Variants in CNTNAP2 observed in about 807,000 individuals in gnomAD.
CNTNAP2 encodes contactin-associated protein-like 2.
In CNTNAP2, 98 loss-of-function variants were observed where a neutral mutation model predicts 155.2. That is an observed-to-expected ratio of 0.63 (90% CI 0.54 to 0.75). The LOEUF is 0.75. Ranked by LOEUF, CNTNAP2 falls within the 30% of genes least tolerant of loss-of-function variation. The pLI is 0.00. For missense variants in CNTNAP2, 1,727 were observed against 1,688.1 expected (o/e 1.02, Z -0.40); for synonymous variants, 651 against 631.2 (o/e 1.03, Z -0.47).
chr7:148,111,893 T>C (rs776924753), intron 15 of CNTNAP2, among the ~76,000 whole-genome samples: 2 of 152,154 alleles, frequency 1.3e-5, no homozygotes, highest in African/African-American at 2.4e-5. Context: ...GAGAATGTGT[T>C]TCAGGAAAAT....
At chr7:147,130,602 T>C (rs535648294) in intron 7 of CNTNAP2, among the ~76,000 whole-genome samples, 1 of 152,096 alleles carries the variant, frequency 6.6e-6, no homozygotes, top group Non-Finnish European at 1.5e-5. Flanking sequence ...CAGAAAATCT[T>C]AGATGGGATA....
At chr7:146,612,325 G>A (rs572730511) in intron 1 of CNTNAP2, among the ~76,000 whole-genome samples, 20 of 152,088 alleles carry the variant, frequency 1.3e-4, no homozygotes, top group Non-Finnish European at 2.6e-4. Flanking sequence ...GTTTACAGGT[G>A]AGAATGACAA....
intron 3 of CNTNAP2, among the ~76,000 whole-genome samples, chr7:146,923,587 CA>C (rs1479820774): frequency 6.6e-6 from 1 of 152,136 alleles, no homozygotes; most frequent in African/African-American, 2.4e-5. Flanking sequence ...GAATTCCCTT[CA>C]AGGGAGAAAG....
intron 2 of CNTNAP2, among the ~76,000 whole-genome samples, chr7:146,827,099 G>A (rs1366976796): frequency 7.3e-5 from 11 of 151,588 alleles, no homozygotes; most frequent in Non-Finnish European, 1.0e-4. Context: ...TTTCCCTCCT[G>A]TTTCAGGGAT....
chr7:147,545,458 T>C (rs574632851), intron 11 of CNTNAP2, among the ~76,000 whole-genome samples: 138 of 152,340 alleles, frequency 9.1e-4, no homozygotes, highest in African/African-American at 3.2e-3. Flanking sequence ...TATTGCAATC[T>C]AACAAGCCTC....
In CNTNAP2 at chr7:147,784,381, C is replaced by CATATATATATATATATATATAT. The variant is rs60221349; in HGVS notation, c.2099-119179_2099-119158dup. Among the ~76,000 whole-genome samples the CATATATATATATATATATATAT allele has an allele frequency of 4.1e-3, 408 of 99,148 alleles. 9 individuals are homozygous for CATATATATATATATATATATAT. Among genetic ancestry groups the CATATATATATATATATATATAT allele is most frequent in the Middle Eastern group, 7.1e-3 (1 of 140 alleles). The allele number at this position is 99,148 out of a possible 152,430, so 65.0% of individuals were successfully genotyped here. ...TTCATAGCCCTCTACAAACTAAAAA[C>CATATATATATATATATATATAT]ATATATATATATATATATATATATA... On this transcript the variant is annotated intron_variant, in intron 13 of 23. Transcript: ENST00000361727.
intron 11 of CNTNAP2, among the ~76,000 whole-genome samples, chr7:147,544,057 A>C (rs193125285): frequency 6.6e-6 from 1 of 152,298 alleles, no homozygotes; most frequent in Admixed American, 6.5e-5. Context: ...TTTAAATATA[A>C]GTGTTTCCAA....
intron 15 of CNTNAP2, among the ~76,000 whole-genome samples, chr7:148,029,999 G>A (rs1802444728): frequency 1.3e-5 from 2 of 152,238 alleles, no homozygotes; most frequent in African/African-American, 4.8e-5. Context: ...ATACTCTCTG[G>A]TTGGAAATCT....
intron 21 of CNTNAP2, among the ~76,000 whole-genome samples, chr7:148,356,477 C>T (rs917355942): frequency 6.6e-6 from 1 of 152,190 alleles, no homozygotes; most frequent in Non-Finnish European, 1.5e-5. Context: ...AGCCGTGGCT[C>T]CTGCTCCTGA....
At chr7:148,314,838 G>A (rs1410574549) in intron 21 of CNTNAP2, among the ~76,000 whole-genome samples, 1 of 152,214 alleles carries the variant, frequency 6.6e-6, no homozygotes, top group Admixed American at 6.5e-5. Context: ...GCGTCCCCAT[G>A]TGATTAAACA....
intron 2 of CNTNAP2, among the ~76,000 whole-genome samples, chr7:146,777,435 A>G (rs1563226650): frequency 6.6e-6 from 1 of 152,228 alleles, no homozygotes; most frequent in African/African-American, 2.4e-5. Context: ...ACAGCAAGAA[A>G]CATACATGTA....
intron 15 of CNTNAP2, among the ~76,000 whole-genome samples, chr7:148,051,815 A>C (rs1285441555): frequency 6.6e-6 from 1 of 152,224 alleles, no homozygotes; most frequent in East Asian, 1.9e-4. Flanking sequence ...TACTAAAAGC[A>C]ATTCAGTATT....
At chr7:146,903,165 C>T (rs750288295) in intron 3 of CNTNAP2, among the ~76,000 whole-genome samples, 10 of 152,210 alleles carry the variant, frequency 6.6e-5, no homozygotes, top group Non-Finnish European at 1.2e-4. Flanking sequence ...AGACTCACTT[C>T]TGTGGATTAC....
At chr7:146,840,016 G>T in intron 3 of CNTNAP2, 112 bp downstream of exon 3, 1 of 1,260,360 alleles carries the variant, frequency 7.9e-7, no homozygotes, top group Non-Finnish European at 1.1e-6. Flanking sequence ...TCAAATCATT[G>T]GGAAACTATT....
intron 13 of CNTNAP2, among the ~76,000 whole-genome samples, chr7:147,885,487 T>C (rs566354788): frequency 1.3e-4 from 20 of 152,310 alleles, no homozygotes; most frequent in Admixed American, 1.1e-3. Flanking sequence ...TCTTTTACTT[T>C]TGACTACAGA....
chr7:147,888,391 G>C (rs1799633502), intron 13 of CNTNAP2, among the ~76,000 whole-genome samples: 3 of 152,056 alleles, frequency 2.0e-5, no homozygotes, highest in East Asian at 1.9e-4. Flanking sequence ...AGATTCTGAA[G>C]AAATTTCCCA....
chr7:147,798,903 C>T (rs1797945169), intron 13 of CNTNAP2, among the ~76,000 whole-genome samples: 1 of 152,184 alleles, frequency 6.6e-6, no homozygotes, highest in South Asian at 2.1e-4. Context: ...CTGATGAAGT[C>T]TAACCGTGTT....
intron 8 of CNTNAP2, among the ~76,000 whole-genome samples, chr7:147,183,110 T>C (rs956836958): frequency 9.9e-5 from 15 of 151,746 alleles, no homozygotes; most frequent in Non-Finnish European, 5.9e-5. Flanking sequence ...AGAACAAGCT[T>C]GAATAAGGTT....
intron 1 of CNTNAP2, among the ~76,000 whole-genome samples, chr7:146,319,389 T>C (rs1234268717): frequency 6.6e-6 from 1 of 152,192 alleles, no homozygotes; most frequent in Non-Finnish European, 1.5e-5. Context: ...ATCATATTAG[T>C]ATAATTTAAA....
Sources: gnomAD v4.1 joint callset for allele counts (sites outside exome capture counted in the v4.1 genomes callset) on GRCh38, gnomAD v4.1.1 for gene constraint, MANE v1.5 for transcripts, NCBI Gene and HGNC (gene_info 2026-07-23, HGNC 2026-07-21) for gene names.